ALDH2: variants seen among roughly 807,000 people sequenced by gnomAD.
ALDH2 encodes the protein aldehyde dehydrogenase, mitochondrial.
A neutral mutation model predicts 59.6 loss-of-function variants in ALDH2; 44 were observed. The observed-to-expected ratio is 0.74, with a 90% CI of 0.58 to 0.95. ALDH2 has a LOEUF of 0.95. Ranked by LOEUF, ALDH2 falls within the 40% of genes least tolerant of loss-of-function variation. The pLI, the probability that ALDH2 is intolerant of heterozygous loss-of-function variation, is 0.00. For synonymous variants in ALDH2, 291 were observed against 284.0 expected (o/e 1.02, Z -0.25); for missense variants, 570 against 696.3 (o/e 0.82, Z 2.04).
chr12:111,777,190 G>A (rs1391618302), intron 1 of ALDH2, among the ~76,000 whole-genome samples: 1 of 152,202 alleles, frequency 6.6e-6, no homozygotes, highest in African/African-American at 2.4e-5. Flanking sequence ...CTAGAGCCAA[G>A]TGGCTGGACT....
chr12:111,774,512 G>A (rs1231136525), intron 1 of ALDH2, among the ~76,000 whole-genome samples: 3 of 152,136 alleles, frequency 2.0e-5, no homozygotes, highest in East Asian at 1.9e-4. Flanking sequence ...TTCCAGGGAC[G>A]GGGATTTCCT....
chr12:111,768,683 T>TA (rs915919226), intron 1 of ALDH2, among the ~76,000 whole-genome samples: 1 of 150,920 alleles, frequency 6.6e-6, no homozygotes, highest in Non-Finnish European at 1.5e-5. Context: ...TAGTCTCTAC[T>TA]AAAAAAGTAA....
intron 12 of ALDH2, among the ~76,000 whole-genome samples, chr12:111,805,110 T>C (rs1042296712): frequency 2.6e-5 from 4 of 152,216 alleles, no homozygotes; most frequent in African/African-American, 9.6e-5. Flanking sequence ...TGAAAAATGC[T>C]TAGCCTTTAA....
At chr12:111,789,407 G>A (rs759343978) in intron 4 of ALDH2, among the ~76,000 whole-genome samples, 3 of 150,558 alleles carry the variant, frequency 2.0e-5, no homozygotes, top group Non-Finnish European at 3.0e-5. Flanking sequence ...GTAGAGAATC[G>A]CTTGAACCTG....
intron 12 of ALDH2, among the ~76,000 whole-genome samples, chr12:111,809,007 G>A: frequency 6.6e-6 from 1 of 152,172 alleles, no homozygotes; most frequent in Non-Finnish European, 1.5e-5. Flanking sequence ...ATGAAGTACT[G>A]TGGTTCTCTT....
At chr12:111,807,321 C>T (rs530703480) in intron 12 of ALDH2, among the ~76,000 whole-genome samples, 46 of 152,084 alleles carry the variant, frequency 3.0e-4, no homozygotes, top group Non-Finnish European at 5.0e-4. Flanking sequence ...TCTGTATCCC[C>T]ACCATAAAGC....
rs778449798 is a variant in ALDH2 at position 111,799,965 on chromosome 12, A to G, written c.1308A>G (p.Arg436=). 1.9e-6 allele frequency: 3 copies of G among 1,614,000 alleles called. No homozygotes were observed. The highest frequency in any genetic ancestry group is 1.7e-5 in the Admixed American group (1 of 59,998). ...AGACCATAGAGGAGGTTGTTGGGAG[A>G]GCCAACAATTCCACGTACGGGCTGG... The part of the protein sequence containing the change: ...KFKTIEEVVG[R]ANNSTYGLAA... The change falls in exon 11 of 13, where the codon AGA becomes AGG. Residue 436 remains arginine, a synonymous_variant. Transcript: ENST00000261733.
chr12:111,797,721 A>G (rs1273198493), intron 9 of ALDH2, among the ~76,000 whole-genome samples: 1 of 152,224 alleles, frequency 6.6e-6, no homozygotes, highest in East Asian at 1.9e-4. Flanking sequence ...ATCTGAGTAT[A>G]TAATTTTTGA....
intron 1 of ALDH2, among the ~76,000 whole-genome samples, chr12:111,778,034 G>C (rs2068245517): frequency 6.6e-6 from 1 of 152,162 alleles, no homozygotes; most frequent in African/African-American, 2.4e-5. Context: ...TATGATTCCT[G>C]CTAGGCCCTT....
rs147529779 is a variant in ALDH2, at chr12:111,771,463, G to A, written c.114+4367G>A. 2.2e-3 allele frequency among the ~76,000 whole-genome samples: 342 copies of A among 152,272 alleles called. 2 individuals carry two copies. The highest frequency in any genetic ancestry group is 7.9e-3 in the African/African-American group (330 of 41,552). ...AAAAGCTTAGGAAATAAGCCAGCTC[G>A]AGCTCCATTGGGAAATAGATGAACA... On this transcript the variant is annotated intron_variant, in intron 1 of 12. Coordinates refer to ENST00000261733, the MANE Select transcript of ALDH2 (RefSeq NM_000690.4).
intron 10 of ALDH2, 120 bp from the exon 11 acceptor site, chr12:111,799,786 C>A: frequency 8.1e-7 from 1 of 1,231,218 alleles, no homozygotes; most frequent in Non-Finnish European, 1.1e-6. Context: ...TCCCCTGGAA[C>A]TGTTAGAGCA....
Position 111,809,668 on chromosome 12 carries a change from C to A in ALDH2, c.*93C>A. On this transcript the variant is annotated 3_prime_UTR_variant, in exon 13 of 13. Coordinates refer to ENST00000261733, the MANE Select transcript of ALDH2 (RefSeq NM_000690.4). Reference sequence around the variant, plus strand: ...AAAATGATCCTTGCGTGCTGAATATCTGAAAAGAGAAATTTTTCCTACAAA... The same window carrying A: ...AAAATGATCCTTGCGTGCTGAATATATGAAAAGAGAAATTTTTCCTACAAA... 1 of 1,403,210 alleles carries A rather than the reference C, an allele frequency of 7.1e-7. No homozygotes were observed. The highest frequency in any genetic ancestry group is 1.0e-6 in the Non-Finnish European group (1 of 1,004,340). 86.9% of individuals were successfully genotyped at this position (1,403,210 alleles called of 1,614,324 possible).
chr12:111,795,729 T>C (rs1377639749), intron 9 of ALDH2, among the ~76,000 whole-genome samples: 4 of 150,702 alleles, frequency 2.7e-5, no homozygotes, highest in Non-Finnish European at 4.4e-5. Context: ...GTAGCTGAGA[T>C]TACAGGCGCC....
At chr12:111,790,377 C>A (rs2068348335) in intron 5 of ALDH2, 57 bp from the exon 6 acceptor site, 2 of 1,610,942 alleles carry the variant, frequency 1.2e-6, no homozygotes, top group African/African-American at 1.3e-5. Flanking sequence ...CCTTCTGCTA[C>A]CCAGTGTAGT....
chr12:111,783,387 G>T (rs2068288072), intron 3 of ALDH2, 89 bp downstream of exon 3: 1 of 1,471,844 alleles, frequency 6.8e-7, no homozygotes. Flanking sequence ...AGCATCCTGT[G>T]AACAGCCAGG....
At chr12:111,770,813 T>G (rs1184881824) in intron 1 of ALDH2, among the ~76,000 whole-genome samples, 2 of 151,942 alleles carry the variant, frequency 1.3e-5, no homozygotes, top group Non-Finnish European at 2.9e-5. Flanking sequence ...CCTGGCTAAT[T>G]TTTTTGTATT....
At chr12:111,809,033 G>T (rs1373779220) in intron 12 of ALDH2, among the ~76,000 whole-genome samples, 2 of 152,114 alleles carry the variant, frequency 1.3e-5, no homozygotes, top group African/African-American at 4.8e-5. Context: ...TTGTGTTTGG[G>T]GTACCTGTCC....
intron 10 of ALDH2, among the ~76,000 whole-genome samples, chr12:111,799,021 C>T (rs77251453): frequency 0.014 from 2,069 of 151,832 alleles, 52 homozygotes; most frequent in African/African-American, 0.048. Context: ...GTTTTAGCCA[C>T]GCCTGGCTAA....
intron 9 of ALDH2, 27 bp downstream of exon 9, chr12:111,792,809 G>T: frequency 6.5e-7 from 1 of 1,537,864 alleles, no homozygotes; most frequent in South Asian, 1.2e-5. Flanking sequence ...CGCAGGGTCT[G>T]GGTGTCTAGA....
Sources: gnomAD v4.1 joint callset for allele counts (sites outside exome capture counted in the v4.1 genomes callset) on GRCh38, gnomAD v4.1.1 for gene constraint, MANE v1.5 for transcripts, NCBI Gene and HGNC (gene_info 2026-07-23, HGNC 2026-07-21) for gene names.